IGSF3: variants seen among roughly 807,000 people sequenced by gnomAD.
IGSF3 encodes immunoglobulin superfamily member 3, also known as glu-Trp-Ile EWI motif-containing protein 3.
IGSF3 carries 23 observed loss-of-function variants against 114.4 expected under a neutral mutation model. The observed-to-expected ratio is 0.20, with a 90% CI of 0.14 to 0.28. The LOEUF (loss-of-function observed/expected upper bound fraction) is 0.28. IGSF3 is among the 10% of genes least tolerant of loss of function. The pLI, the probability that IGSF3 is intolerant of heterozygous loss-of-function variation, is 1.00. For synonymous variants in IGSF3, 571 were observed against 645.2 expected, an observed-to-expected ratio of 0.88 and a Z score of 1.74; for missense variants, 1,172 against 1,591.5, an observed-to-expected ratio of 0.74 and a Z score of 4.48.
chr1:116,577,347 G>C lies in IGSF3; in HGVS notation c.3550C>G (p.Pro1184Ala). The change falls in exon 11 of 11, where the codon CCT becomes GCT. Residue 1184 changes from proline (P) to alanine (A), a missense_variant. By Grantham distance (27) the Pro-to-Ala change is conservative. Coordinates refer to ENST00000369486, the MANE Select transcript of IGSF3 (RefSeq NM_001007237.3). The surrounding 1 kb of genome is among the most constrained non-coding windows in gnomAD (Gnocchi z 5.7). Reference sequence around the variant, plus strand: ...GCCCCTGGATGGATACTGAGAACAGGGGGCTCCAGGCAAGTAGGGGAGTAG... The same window carrying C: ...GCCCCTGGATGGATACTGAGAACAGCGGGCTCCAGGCAAGTAGGGGAGTAG... Reference protein sequence around the residue: ...LNYSPTCLEPPVLSIHPGAID With the variant: ...LNYSPTCLEPAVLSIHPGAID The C allele has an allele frequency of 6.2e-7, 1 of 1,614,136 alleles. No individual in the cohort carries two copies. The highest frequency in any genetic ancestry group is 8.5e-7 in the Non-Finnish European group (1 of 1,180,034).
Position 116,577,220 on chromosome 1 carries a change from C to G in IGSF3, c.*92G>C. The G allele has an allele frequency of 7.0e-7, 1 of 1,427,634 alleles. No homozygotes were observed. Among genetic ancestry groups the G allele is most frequent in the Non-Finnish European group, 9.6e-7 (1 of 1,046,586 alleles). 88.4% of individuals were successfully genotyped at this position (1,427,634 alleles called of 1,614,324 possible). On this transcript the variant is annotated 3_prime_UTR_variant, in exon 11 of 11. Transcript: ENST00000369486. The surrounding 1 kb of genome is among the most constrained non-coding windows in gnomAD (Gnocchi z 5.7). The stretch of plus-strand genomic sequence containing the variant: ...TCTGACAACTTTCCACACACATGCA[C>G]CCCAGAGTTTGGGTGCTGTCAACTG...
Position 116,577,609 on chromosome 1 carries a change from G to A in IGSF3, c.3335-47C>T. 6.3e-7 allele frequency: 1 copy of A among 1,593,244 alleles called. No homozygotes were observed. Among genetic ancestry groups the A allele is most frequent in the Non-Finnish European group, 8.6e-7 (1 of 1,168,090 alleles). The stretch of plus-strand genomic sequence containing the variant: ...ACAAGACAATGAGGGCTGAGAACCT[G>A]GACTGCTCACATTTCCTTTTGAAGA... On this transcript the variant is annotated intron_variant, in intron 10 of 10. Transcript: ENST00000369486. This position sits in a 1 kb window ranked among gnomAD's most constrained non-coding sequence, Gnocchi z 5.7.
At chr1:116,663,677 T>C (rs1267367522) in intron 2 of IGSF3, among the ~76,000 whole-genome samples, 1 of 152,020 alleles carries the variant, frequency 6.6e-6, no homozygotes, top group Non-Finnish European at 1.5e-5. Context: ...TCCCAGACAC[T>C]GGCAAAGGAC....
intron 2 of IGSF3, among the ~76,000 whole-genome samples, chr1:116,663,487 G>T (rs1219483443): frequency 6.6e-6 from 1 of 151,982 alleles, no homozygotes; most frequent in South Asian, 2.1e-4. Context: ...TGGAACCAAG[G>T]GTTGTGGTGG....
chr1:116,620,523 G>A (rs1255069216), intron 2 of IGSF3, among the ~76,000 whole-genome samples: 2 of 152,170 alleles, frequency 1.3e-5, no homozygotes, highest in Admixed American at 6.5e-5. Context: ...ACTGACCTAC[G>A]TGACCAATAG....
chr1:116,657,343 G>A lies in IGSF3; in HGVS notation c.43+8941C>T, dbSNP rs765008883. 3.3e-5 allele frequency among the ~76,000 whole-genome samples: 5 copies of A among 152,096 alleles called. No individual in the cohort carries two copies. The highest frequency in any genetic ancestry group is 7.4e-5 in the Non-Finnish European group (5 of 68,024). On this transcript the variant is annotated intron_variant, in intron 2 of 10. Transcript: ENST00000369486. The surrounding 1 kb of genome is among the most constrained non-coding windows in gnomAD (Gnocchi z 4.2). ...GCAAACACCACCCAGGTTATCCAAGGTTCCTAAGGCCCAAAGCAGCACATG... is the reference window on the plus strand; with the variant it reads ...GCAAACACCACCCAGGTTATCCAAGATTCCTAAGGCCCAAAGCAGCACATG...
chr1:116,657,526 T>C lies in IGSF3; in HGVS notation c.43+8758A>G, dbSNP rs1490231123. ...CTAATTTTGCTTTAGAACTGGACTA[T>C]ATCAAGTGTGAACGATCATACTGGT... On this transcript the variant is annotated intron_variant, in intron 2 of 10. Coordinates refer to ENST00000369486, the MANE Select transcript of IGSF3 (RefSeq NM_001007237.3). This position sits in a 1 kb window ranked among gnomAD's most constrained non-coding sequence, Gnocchi z 4.2. Among the ~76,000 whole-genome samples, 3 of 152,192 alleles carry C rather than the reference T, an allele frequency of 2.0e-5. No homozygotes were observed. The highest frequency in any genetic ancestry group is 7.2e-5 in the African/African-American group (3 of 41,436).
intron 2 of IGSF3, among the ~76,000 whole-genome samples, chr1:116,643,688 C>T (rs1648212017): frequency 6.6e-6 from 1 of 152,228 alleles, no homozygotes. Flanking sequence ...CACGCCCATG[C>T]TCAGGTGTCT....
rs1659418369 is a variant in IGSF3, at chr1:116,577,829, A to G, written c.3335-267T>C. 6.6e-6 allele frequency among the ~76,000 whole-genome samples: 1 copy of G among 152,218 alleles called. No individual in the cohort carries two copies. The highest frequency in any genetic ancestry group is 1.9e-4 in the East Asian group (1 of 5,202). On this transcript the variant is annotated intron_variant, in intron 10 of 10. Transcript: ENST00000369486. The surrounding 1 kb of genome is among the most constrained non-coding windows in gnomAD (Gnocchi z 5.7). ...CCATTATTGCTGCTTGGAAAGCCAC[A>G]TAATGAAACATAATTTATTGATTGT...
rs1462820915 is a variant in IGSF3, at chr1:116,610,014, C to T, written c.833-1683G>A. Among the ~76,000 whole-genome samples, 1 of 152,130 alleles carries T rather than the reference C, an allele frequency of 6.6e-6. No individual in the cohort carries two copies. Among genetic ancestry groups the T allele is most frequent in the Non-Finnish European group, 1.5e-5 (1 of 68,026 alleles). On this transcript the variant is annotated intron_variant, in intron 4 of 10. Coordinates refer to ENST00000369486, the MANE Select transcript of IGSF3 (RefSeq NM_001007237.3). The surrounding 1 kb of genome is among the most constrained non-coding windows in gnomAD (Gnocchi z 4.3). ...GACAGGGAAAACCACATCATCAACTCCAGGGCCTCCCCTCCAATGAAGTAG... is the reference window on the plus strand; with the variant it reads ...GACAGGGAAAACCACATCATCAACTTCAGGGCCTCCCCTCCAATGAAGTAG...
In IGSF3 at chr1:116,596,677, G is replaced by C. The variant is rs1376948534; in HGVS notation, c.2029+3264C>G. 6.6e-6 allele frequency among the ~76,000 whole-genome samples: 1 copy of C among 152,160 alleles called. No individual in the cohort carries two copies. Among genetic ancestry groups the C allele is most frequent in the Non-Finnish European group, 1.5e-5 (1 of 68,018 alleles). ...CAGTACCAAAGAGGATTCCTGAGAA[G>C]AAAAACACTTGTCTAGAACATATAA... On this transcript the variant is annotated intron_variant, in intron 7 of 10. Transcript: ENST00000369486. This position sits in a 1 kb window ranked among gnomAD's most constrained non-coding sequence, Gnocchi z 4.1.
intron 2 of IGSF3, among the ~76,000 whole-genome samples, chr1:116,621,849 T>C (rs1274171027): frequency 6.6e-6 from 1 of 152,202 alleles, no homozygotes; most frequent in African/African-American, 2.4e-5. Context: ...CACAAATACA[T>C]GATACCACTT....
At position 116,585,046 on chromosome 1, in the gene IGSF3, C is replaced by T. The variant is rs769227054; in HGVS notation, c.2447G>A (p.Arg816His). Residue 816 changes from arginine to histidine, a missense_variant, in exon 9 of 11, where the codon CGC becomes CAC. Arg to His is a conservative substitution (Grantham distance 29, BLOSUM62 0). Around this residue, in one of 3 missense-constraint regions of IGSF3, gnomAD observed 423 missense variants for 509.8 expected, o/e 0.83. Coordinates refer to ENST00000369486, the MANE Select transcript of IGSF3 (RefSeq NM_001007237.3). This position sits in a 1 kb window ranked among gnomAD's most constrained non-coding sequence, Gnocchi z 4.9. ...TEVTVKQPDS[R>H]LRLSQAQGNL... ...CCCCTGGGCTTGGCTGAGCCTCAGG[C>T]GGCTGTCTGGAACAGTAAGGAAGAG... 1.0e-5 allele frequency: 16 copies of T among 1,533,762 alleles called. No individual in the cohort carries two copies. The highest frequency in any genetic ancestry group is 1.8e-4 in the Middle Eastern group (1 of 5,712).
Position 116,589,232 on chromosome 1 carries a change from G to T in IGSF3, c.2030-128C>A. 1 of 727,670 alleles carries T rather than the reference G, an allele frequency of 1.4e-6. No individual in the cohort carries two copies. Among genetic ancestry groups the T allele is most frequent in the South Asian group, 1.8e-5 (1 of 55,334 alleles). 45.1% of individuals were successfully genotyped at this position (727,670 alleles called of 1,614,324 possible). A position where few individuals can be genotyped will look rare whatever the true frequency, so the allele number is the denominator to read the frequency against. ...GGATTTAACACCGACTGGCTTCAGT[G>T]TGAGGAAGGCAGCACGGAGCCCAGG... On this transcript the variant is annotated intron_variant, in intron 7 of 10. Coordinates refer to ENST00000369486, the MANE Select transcript of IGSF3 (RefSeq NM_001007237.3). The surrounding 1 kb of genome is among the most constrained non-coding windows in gnomAD (Gnocchi z 5.7).
rs1473655755 is a variant in IGSF3, at chr1:116,634,985, C to T, written c.44-18528G>A. 6.6e-6 allele frequency among the ~76,000 whole-genome samples: 1 copy of T among 152,142 alleles called. No homozygotes were observed. Among genetic ancestry groups the T allele is most frequent in the Non-Finnish European group, 1.5e-5 (1 of 68,030 alleles). Reference sequence around the variant, plus strand: ...GCTCCAGTTGTCTAGTGTCCCAGCCCCAACCACCATCTGACTGTAACCCCA... The same window carrying T: ...GCTCCAGTTGTCTAGTGTCCCAGCCTCAACCACCATCTGACTGTAACCCCA... On this transcript the variant is annotated intron_variant, in intron 2 of 10. Coordinates refer to ENST00000369486, the MANE Select transcript of IGSF3 (RefSeq NM_001007237.3). The surrounding 1 kb of genome is among the most constrained non-coding windows in gnomAD (Gnocchi z 4.2).
In IGSF3 at chr1:116,618,225, T is replaced by C. The variant is rs924970324; in HGVS notation, c.44-1768A>G. 2.6e-5 allele frequency among the ~76,000 whole-genome samples: 4 copies of C among 152,108 alleles called. No individual in the cohort carries two copies. The highest frequency in any genetic ancestry group is 9.7e-5 in the African/African-American group (4 of 41,398). ...TTGGCTTCAGCAGAATCAGGAAAAA[T>C]ACAAAATTGGCAGGGGAAGGAAATA... On this transcript the variant is annotated intron_variant, in intron 2 of 10. Coordinates refer to ENST00000369486, the MANE Select transcript of IGSF3 (RefSeq NM_001007237.3). This position sits in a 1 kb window ranked among gnomAD's most constrained non-coding sequence, Gnocchi z 4.7.
Position 116,579,715 on chromosome 1 carries a change from G to C in IGSF3, c.3011C>G (p.Pro1004Arg). 1 of 1,603,180 alleles carries C rather than the reference G, an allele frequency of 6.2e-7. No homozygotes were observed. Among genetic ancestry groups the C allele is most frequent in the South Asian group, 1.1e-5 (1 of 90,838 alleles). Residue 1004 changes from proline (P) to arginine (R), a missense_variant, in exon 10 of 11, where the codon CCT becomes CGT. Transcript: ENST00000369486. The surrounding 1 kb of genome is among the most constrained non-coding windows in gnomAD (Gnocchi z 6.4). ...RTKAGGKRSSPGLEEQEEERE... is the reference protein window; with the variant it reads ...RTKAGGKRSSRGLEEQEEERE... ...TTCCTCTTCCTGTTCTTCCAGGCCA[G>C]GGCTGCTCCTTTTCCCCCCAGCTTT...
chr1:116,601,152 A>T (rs535986224), intron 6 of IGSF3, among the ~76,000 whole-genome samples: 2 of 152,194 alleles, frequency 1.3e-5, no homozygotes, highest in Non-Finnish European at 2.9e-5. Flanking sequence ...ATCATGCTCC[A>T]CTGAATCCCC....
chr1:116,612,764 C>T lies in IGSF3; in HGVS notation c.832+1001G>A, dbSNP rs1661072339. Among the ~76,000 whole-genome samples, 1 of 152,248 alleles carries T rather than the reference C, an allele frequency of 6.6e-6. No individual in the cohort carries two copies. The highest frequency in any genetic ancestry group is 2.4e-5 in the African/African-American group (1 of 41,462). ...GGAAAGGCTTTCAGGCCACTCATCGCCAACTTAGTGATGGCACAACAACCA... is the reference window on the plus strand; with the variant it reads ...GGAAAGGCTTTCAGGCCACTCATCGTCAACTTAGTGATGGCACAACAACCA... On this transcript the variant is annotated intron_variant, in intron 4 of 10. Transcript: ENST00000369486. The surrounding 1 kb of genome is among the most constrained non-coding windows in gnomAD (Gnocchi z 4.1).
Sources: gnomAD v4.1 joint callset for allele counts (sites outside exome capture counted in the v4.1 genomes callset) on GRCh38, gnomAD v4.1.1 for gene constraint, gnomAD v4.1.1 regional missense constraint, Gnocchi (gnomAD v3.1) non-coding constraint, MANE v1.5 for transcripts, NCBI Gene and HGNC (gene_info 2026-07-23, HGNC 2026-07-21) for gene names.